The following COLQ variants were observed in gnomAD, a reference collection of about 807,000 sequenced individuals.
COLQ encodes the protein acetylcholinesterase collagenic tail peptide.
A neutral mutation model predicts 69.0 loss-of-function variants in COLQ; 48 were observed. The observed-to-expected ratio is 0.70, with a 90% confidence interval of 0.55 to 0.88. The LOEUF (loss-of-function observed/expected upper bound fraction) is 0.88, where lower values mean the gene tolerates loss of function less well. COLQ is among the 40% of genes least tolerant of loss of function. The probability of loss-of-function intolerance (pLI) is 0.00; values close to 1 mark genes in which losing one functional copy is unlikely to be tolerated. For missense variants in COLQ, 618 were observed against 594.6 expected, an observed-to-expected ratio of 1.04 and a Z score of -0.41; for synonymous variants, 217 against 211.2, an observed-to-expected ratio of 1.03 and a Z score of -0.24.
intron 15 of COLQ, among the ~76,000 whole-genome samples, chr3:15,455,080 G>C (rs2062006269): frequency 6.6e-6 from 1 of 152,206 alleles, no homozygotes; most frequent in South Asian, 2.1e-4. Flanking sequence ...AATGAATTCA[G>C]TGAATGGTGG....
Position 15,452,568 on chromosome 3 carries a change from G to A in COLQ, c.1299-855C>T, listed in dbSNP as rs115762628. On this transcript the variant is annotated intron_variant, in intron 16 of 16. Transcript: ENST00000383788. The stretch of plus-strand genomic sequence containing the variant: ...GAATAGCTGTGTAACCACAGTGAGC[G>A]TGGGGGAGCCCTGGGCTCTACTCGA... 6.0e-3 allele frequency among the ~76,000 whole-genome samples: 916 copies of A among 152,144 alleles called. 10 individuals carry two copies. Among genetic ancestry groups the A allele is most frequent in the African/African-American group, 0.021 (875 of 41,504 alleles).
At chr3:15,465,232 T>TTTTATTTATTTATTTA (rs201876301) in intron 12 of COLQ, among the ~76,000 whole-genome samples, 12 of 141,542 alleles carry the variant, frequency 8.5e-5, no homozygotes, top group African/African-American at 2.9e-4. Context: ...GACTTTATAT[T>TTTTATTTATTTATTTA]TTGATTTATT....
In COLQ at chr3:15,454,257, G is replaced by A. The variant is rs2345105; in HGVS notation, c.1196-326C>T. Among the ~76,000 whole-genome samples, 57,361 of 151,980 alleles carry A rather than the reference G, an allele frequency of 0.38. 10,891 individuals carry two copies. Among genetic ancestry groups the A allele is most frequent in the East Asian group, 0.49 (2,543 of 5,168 alleles). ...CTCATAAAGCCAGTGTGGGGGTCCC[G>A]GGAGTGAGGGTTGGAAGACTGCTGA... On this transcript the variant is annotated intron_variant, in intron 15 of 16. Transcript: ENST00000383788.
At chr3:15,467,117 T>C (rs1354231008) in intron 11 of COLQ, among the ~76,000 whole-genome samples, 2 of 152,260 alleles carry the variant, frequency 1.3e-5, no homozygotes, top group South Asian at 2.1e-4. Flanking sequence ...GGTCATTTCA[T>C]TGATGTCTCC....
chr3:15,464,106 G>A (rs780633772), intron 12 of COLQ, among the ~76,000 whole-genome samples: 5 of 149,786 alleles, frequency 3.3e-5, no homozygotes, highest in Non-Finnish European at 7.4e-5. Context: ...GCTCCTAATT[G>A]GGGTGCTGGT....
At chr3:15,521,233 A>G (rs1372730549) in intron 1 of COLQ, among the ~76,000 whole-genome samples, 2 of 152,194 alleles carry the variant, frequency 1.3e-5, no homozygotes, top group African/African-American at 2.4e-5. Context: ...CAAATTCCTG[A>G]CCAAGATGAA....
chr3:15,457,951 T>C lies in COLQ; in HGVS notation c.954+235A>G, dbSNP rs114513293. On this transcript the variant is annotated intron_variant, in intron 13 of 16. Transcript: ENST00000383788. ...TTTTTATACAATATAATCTCAACCA[T>C]ATAAAAGTTAGATTTTAATAAGACA... Among the ~76,000 whole-genome samples, 853 of 152,218 alleles carry C rather than the reference T, an allele frequency of 5.6e-3. 9 individuals carry two copies. The highest frequency in any genetic ancestry group is 0.02 in the African/African-American group (818 of 41,518).
At chr3:15,516,310 C>T (rs939743461) in intron 1 of COLQ, among the ~76,000 whole-genome samples, 4 of 152,198 alleles carry the variant, frequency 2.6e-5, no homozygotes, top group Non-Finnish European at 5.9e-5. Flanking sequence ...GGTGGCCTGG[C>T]TGGCTTCCAG....
At chr3:15,477,440 G>T in intron 5 of COLQ, 2 of 519,190 alleles carry the variant, frequency 3.9e-6, no homozygotes, top group South Asian at 2.3e-5. Flanking sequence ...TAAACTTCTT[G>T]GTTTTTTAAT....
chr3:15,509,605 T>A (rs2062956731), intron 1 of COLQ, among the ~76,000 whole-genome samples: 2 of 152,192 alleles, frequency 1.3e-5, no homozygotes, highest in African/African-American at 4.8e-5. Context: ...CCCCTCAAAG[T>A]ACAACAGTAA....
Position 15,451,791 on chromosome 3 carries a change from G to A in COLQ, c.1299-78C>T, listed in dbSNP as rs956367285. 3.3e-5 allele frequency: 41 copies of A among 1,246,710 alleles called. No individual in the cohort carries two copies. The African/African-American group carries it at 4.7e-4, about 14-fold the overall frequency. The allele number at this position is 1,246,710 out of a possible 1,614,324, so 77.2% of individuals were successfully genotyped here. ...TTCCGGTCAAACCTTATCAAACAGC[G>A]GCCAAGGGCCAATGGCTCTACAAGA... On this transcript the variant is annotated intron_variant, in intron 16 of 16. Coordinates refer to ENST00000383788, the MANE Select transcript of COLQ (RefSeq NM_005677.4).
At chr3:15,517,804 A>C (rs1014373919) in intron 1 of COLQ, among the ~76,000 whole-genome samples, 2 of 152,224 alleles carry the variant, frequency 1.3e-5, no homozygotes, top group African/African-American at 4.8e-5. Flanking sequence ...TACCTTCTTA[A>C]GCAAGATAAA....
intron 1 of COLQ, among the ~76,000 whole-genome samples, chr3:15,494,132 G>C (rs905513489): frequency 2.6e-5 from 4 of 152,204 alleles, no homozygotes; most frequent in Non-Finnish European, 5.9e-5. Flanking sequence ...TTTGGGGCTA[G>C]ATTGTGCTGT....
chr3:15,489,503 T>A, intron 2 of COLQ, 22 bp downstream of exon 2: 1 of 1,612,310 alleles, frequency 6.2e-7, no homozygotes, highest in South Asian at 1.1e-5. Context: ...TTTTTTCCTC[T>A]CATAAATCCC....
chr3:15,477,224 G>A (rs2305612), intron 5 of COLQ, 27 bp from the exon 6 acceptor site: 1 of 1,586,398 alleles, frequency 6.3e-7, no homozygotes. Context: ...CAAAAGTCAG[G>A]GCAACTGGGT....
intron 11 of COLQ, chr3:15,467,694 A>T (rs1012463162): frequency 1.6e-5 from 6 of 371,282 alleles, no homozygotes; most frequent in Middle Eastern, 9.2e-4. Context: ...AGGCCTAATC[A>T]GAGCAGTGAT....
intron 8 of COLQ, 75 bp downstream of exon 8, chr3:15,474,850 T>C: frequency 6.5e-7 from 1 of 1,540,592 alleles, no homozygotes; most frequent in Non-Finnish European, 9.0e-7. Flanking sequence ...CCTGGACCCA[T>C]TCTCTGCATG....
At chr3:15,483,726 G>A (rs977011497) in intron 3 of COLQ, among the ~76,000 whole-genome samples, 20 of 152,190 alleles carry the variant, frequency 1.3e-4, no homozygotes, top group Non-Finnish European at 2.1e-4. Flanking sequence ...ATGTCTGTTA[G>A]GTCTGCTTGG....
At chr3:15,485,912 C>T (rs757412018) in intron 3 of COLQ, among the ~76,000 whole-genome samples, 11 of 152,114 alleles carry the variant, frequency 7.2e-5, no homozygotes, top group Admixed American at 2.0e-4. Context: ...CAGTTAGCTG[C>T]GATCAAGCCA....
Sources: allele counts gnomAD v4.1 joint callset (sites outside exome capture counted in the v4.1 genomes callset), GRCh38; gene constraint gnomAD v4.1.1; transcripts MANE v1.5; gene names NCBI Gene and HGNC (gene_info 2026-07-23, HGNC 2026-07-21).